The following BICC1 variants were observed in gnomAD, a reference collection of about 807,000 sequenced individuals.
The protein encoded by BICC1 is BicC family RNA binding protein 1.
A neutral mutation model predicts 111.0 loss-of-function variants in BICC1; 43 were observed. The ratio of observed to expected loss-of-function variants is 0.39; its 90% CI spans 0.30 to 0.50. BICC1 has a LOEUF of 0.50. BICC1 is among the 20% of genes least tolerant of loss of function. The pLI is 0.88. For synonymous variants in BICC1, 467 were observed against 434.4 expected, an observed-to-expected ratio of 1.07 and a Z score of -0.93; for missense variants, 1,091 against 1,203.2, an observed-to-expected ratio of 0.91 and a Z score of 1.38.
chr10:58,734,100 T>C (rs1356435677), intron 3 of BICC1, among the ~76,000 whole-genome samples: 1 of 152,144 alleles, frequency 6.6e-6, no homozygotes, highest in Non-Finnish European at 1.5e-5. Context: ...TGGGCAAAAA[T>C]GAGGAAGACT....
intron 2 of BICC1, among the ~76,000 whole-genome samples, chr10:58,686,801 G>A (rs960036485): frequency 6.6e-6 from 1 of 152,106 alleles, no homozygotes; most frequent in Non-Finnish European, 1.5e-5. Context: ...GCTTCTTTGC[G>A]ATGGGTTCGA....
At chr10:58,804,504 C>T (rs140701341) in intron 15 of BICC1, among the ~76,000 whole-genome samples, 4 of 151,864 alleles carry the variant, frequency 2.6e-5, no homozygotes, top group African/African-American at 9.7e-5. Flanking sequence ...GGAGAGAGAG[C>T]GAGACCCTGT....
chr10:58,781,944 A>G lies in BICC1; in HGVS notation c.308-3057A>G, dbSNP rs137978622. On this transcript the variant is annotated intron_variant, in intron 3 of 20. Coordinates refer to ENST00000373886, the MANE Select transcript of BICC1 (RefSeq NM_001080512.3). ...TTCTCTGTCCTTATTAAGCTTGACT[A>G]TTTGAAGAACCACTTTCCAAAAAAG... 8.5e-3 allele frequency among the ~76,000 whole-genome samples: 1,287 copies of G among 152,276 alleles called. 4 individuals are homozygous for G. The highest frequency in any genetic ancestry group is 0.015 in the Non-Finnish European group (1,012 of 68,024).
chr10:58,733,360 T>C (rs867997823), intron 3 of BICC1, among the ~76,000 whole-genome samples: 16 of 152,246 alleles, frequency 1.1e-4, no homozygotes, highest in South Asian at 4.1e-4. Flanking sequence ...ATGCAATTTC[T>C]TGTGATTCTA....
intron 3 of BICC1, among the ~76,000 whole-genome samples, chr10:58,711,611 G>A (rs1255968458): frequency 6.6e-6 from 1 of 152,138 alleles, no homozygotes; most frequent in Non-Finnish European, 1.5e-5. Context: ...TTGATCTCCA[G>A]CTAGTTCCGC....
At chr10:58,661,249 C>T (rs1394397135) in intron 2 of BICC1, among the ~76,000 whole-genome samples, 1 of 148,910 alleles carries the variant, frequency 6.7e-6, no homozygotes, top group Non-Finnish European at 1.5e-5. Context: ...TTCTCTCATG[C>T]CAATCCTTGT....
intron 2 of BICC1, among the ~76,000 whole-genome samples, chr10:58,653,308 G>A (rs555044918): frequency 2.0e-5 from 3 of 152,238 alleles, no homozygotes; most frequent in Admixed American, 1.3e-4. Context: ...TCATGGAGCT[G>A]TCTCCAAAAT....
At chr10:58,681,485 T>G (rs536718169) in intron 2 of BICC1, among the ~76,000 whole-genome samples, 2 of 152,136 alleles carry the variant, frequency 1.3e-5, no homozygotes, top group African/African-American at 4.8e-5. Context: ...TGGTGATCAT[T>G]AAAATGTCAG....
intron 20 of BICC1, among the ~76,000 whole-genome samples, chr10:58,827,106 C>T (rs539770076): frequency 6.6e-6 from 1 of 152,274 alleles, no homozygotes; most frequent in East Asian, 1.9e-4. Flanking sequence ...ACATCAGAGT[C>T]GTCAAACTAG....
chr10:58,680,032 C>T (rs551967580), intron 2 of BICC1, among the ~76,000 whole-genome samples: 29 of 152,264 alleles, frequency 1.9e-4, no homozygotes, highest in Non-Finnish European at 2.8e-4. Flanking sequence ...ATAGATGGAA[C>T]GTATCTCAAA....
intron 3 of BICC1, among the ~76,000 whole-genome samples, chr10:58,739,597 A>T (rs934285670): frequency 2.6e-5 from 4 of 151,952 alleles, no homozygotes; most frequent in Admixed American, 2.0e-4. Flanking sequence ...TCTTACATGG[A>T]AGTATAATAT....
chr10:58,767,849 C>G (rs1215694508), intron 3 of BICC1, among the ~76,000 whole-genome samples: 1 of 151,728 alleles, frequency 6.6e-6, no homozygotes, highest in Non-Finnish European at 1.5e-5. Flanking sequence ...AGAGAGTCAA[C>G]AGCAGATTCG....
chr10:58,579,469 TAAC>T (rs989938343), intron 1 of BICC1, among the ~76,000 whole-genome samples: 2 of 152,208 alleles, frequency 1.3e-5, no homozygotes, highest in African/African-American at 4.8e-5. Context: ...ACCACAGCGT[TAAC>T]AATCCACGTG....
chr10:58,550,246 T>G (rs954325928), intron 1 of BICC1, among the ~76,000 whole-genome samples: 5 of 152,102 alleles, frequency 3.3e-5, no homozygotes, highest in Non-Finnish European at 2.9e-5. Context: ...GGTCTCAAAC[T>G]TCTGACCTCA....
intron 1 of BICC1, among the ~76,000 whole-genome samples, chr10:58,616,436 C>T (rs1367144903): frequency 6.6e-6 from 1 of 151,930 alleles, no homozygotes; most frequent in Non-Finnish European, 1.5e-5. Context: ...GCTGCACAAC[C>T]TGGTCCCACC....
At chr10:58,808,718 T>C (rs866863580) in intron 17 of BICC1, among the ~76,000 whole-genome samples, 3 of 10,278 alleles carry the variant, frequency 2.9e-4, no homozygotes, top group Non-Finnish European at 6.8e-4. Context: ...TTAAAAAAAA[T>C]TTTTTTTTTT....
intron 3 of BICC1, among the ~76,000 whole-genome samples, chr10:58,746,127 C>T (rs1038470204): frequency 1.3e-5 from 2 of 152,048 alleles, no homozygotes; most frequent in African/African-American, 4.8e-5. Flanking sequence ...TTGGTTAGTG[C>T]CTCTGAAGTT....
chr10:58,828,757 C>T lies in BICC1; in HGVS notation c.2795-4C>T. 1.2e-6 allele frequency: 2 copies of T among 1,613,120 alleles called. No homozygotes were observed. The highest frequency in any genetic ancestry group is 1.7e-6 in the Non-Finnish European group (2 of 1,179,428). Reference sequence around the variant, plus strand: ...TCCTAACAATTCTCTCTTTCTCTCTCTAGAACTAAATAAAAACCGAAGAAA... The same window carrying T: ...TCCTAACAATTCTCTCTTTCTCTCTTTAGAACTAAATAAAAACCGAAGAAA... On this transcript the variant is annotated splice_polypyrimidine_tract_variant and splice_region_variant and intron_variant, in intron 20 of 20. Coordinates refer to ENST00000373886, the MANE Select transcript of BICC1 (RefSeq NM_001080512.3).
At chr10:58,780,493 T>G (rs764194134) in intron 3 of BICC1, among the ~76,000 whole-genome samples, 1 of 152,002 alleles carries the variant, frequency 6.6e-6, no homozygotes, top group Admixed American at 6.6e-5. Context: ...TGGCTACAGA[T>G]TTTTGATGAA....
Sources: gnomAD v4.1 joint callset for allele counts (sites outside exome capture counted in the v4.1 genomes callset) on GRCh38, gnomAD v4.1.1 for gene constraint, MANE v1.5 for transcripts, NCBI Gene and HGNC (gene_info 2026-07-23, HGNC 2026-07-21) for gene names.